The following PDE1C variants were observed in gnomAD, a reference collection of about 807,000 sequenced individuals.
PDE1C encodes the protein dual specificity calcium/calmodulin-dependent 3',5'-cyclic nucleotide phosphodiesterase 1C.
A neutral mutation model predicts 93.1 loss-of-function variants in PDE1C; 62 were observed. That is an observed-to-expected ratio of 0.67 (90% CI 0.54 to 0.82). The LOEUF (loss-of-function observed/expected upper bound fraction) is 0.82. Among genes scored for constraint, PDE1C ranks in the 40% least tolerant of loss-of-function variants. The pLI, the probability that PDE1C is intolerant of heterozygous loss-of-function variation, is 0.00. For missense variants in PDE1C, 742 were observed against 884.6 expected (o/e 0.84, Z 2.04); for synonymous variants, 325 against 310.1 (o/e 1.05, Z -0.50).
intron 1 of PDE1C, among the ~76,000 whole-genome samples, chr7:32,247,926 A>G (rs952305323): frequency 1.3e-5 from 2 of 152,184 alleles, no homozygotes; most frequent in African/African-American, 4.8e-5. Context: ...GTACTAGACT[A>G]TGGTAGTAGT....
intron 2 of PDE1C, among the ~76,000 whole-genome samples, chr7:32,044,440 G>A (rs558871945): frequency 7.9e-5 from 12 of 152,092 alleles, no homozygotes; most frequent in Non-Finnish European, 1.3e-4. Flanking sequence ...CAAGAAGATA[G>A]GCATTTAATG....
chr7:31,936,284 T>C (rs989057508), intron 2 of PDE1C, among the ~76,000 whole-genome samples: 2 of 152,150 alleles, frequency 1.3e-5, no homozygotes, highest in African/African-American at 4.8e-5. Context: ...ATGTCTTTGC[T>C]TCTACCACAC....
intron 2 of PDE1C, among the ~76,000 whole-genome samples, chr7:31,974,450 T>C (rs1288568371): frequency 6.6e-6 from 1 of 152,176 alleles, no homozygotes; most frequent in East Asian, 1.9e-4. Context: ...TTTGCAGAAA[T>C]GTGGTTTCCT....
intron 1 of PDE1C, among the ~76,000 whole-genome samples, chr7:32,264,331 T>A (rs1320092504): frequency 6.6e-6 from 1 of 152,228 alleles, no homozygotes; most frequent in Non-Finnish European, 1.5e-5. Flanking sequence ...GCCCTTCATA[T>A]ACATTATCTC....
chr7:31,789,262 T>C (rs1784321994), intron 16 of PDE1C: 1 of 152,216 alleles, frequency 6.6e-6, no homozygotes, highest in African/African-American at 2.4e-5. Context: ...CTTTCCATGC[T>C]ACATCTACTA....
the PDE1C span, chr7:31,643,399 G>C: frequency 6.2e-7 from 1 of 1,613,962 alleles, no homozygotes; most frequent in Non-Finnish European, 8.5e-7. Context: ...TCCTGCCCAG[G>C]TGAAGTCAAG....
In PDE1C at chr7:31,783,309, G is replaced by A. The variant is rs549991373; in HGVS notation, c.1892-7577C>T. Among the ~76,000 whole-genome samples, 24 of 152,216 alleles carry A rather than the reference G, an allele frequency of 1.6e-4. 1 individual carries two copies. In the East Asian group the frequency reaches 4.3e-3, roughly 27 times the overall value. On this transcript the variant is annotated intron_variant, in intron 16 of 17. Coordinates refer to ENST00000396191, the MANE Select transcript of PDE1C (RefSeq NM_001191057.4). ...TACTTCATCCCTCACAGTCAAAAAAGGTGAAATGAAACGTGATATAGTCAT... is the reference window on the plus strand; with the variant it reads ...TACTTCATCCCTCACAGTCAAAAAAAGTGAAATGAAACGTGATATAGTCAT...
the PDE1C span, among the ~76,000 whole-genome samples, chr7:31,685,970 G>A: frequency 6.6e-6 from 1 of 152,168 alleles, no homozygotes; most frequent in Non-Finnish European, 1.5e-5. Context: ...AGTTTACTAT[G>A]GTTCTAGCCC....
chr7:31,779,074 G>A (rs1584036748), intron 16 of PDE1C, among the ~76,000 whole-genome samples: 1 of 152,154 alleles, frequency 6.6e-6, no homozygotes, highest in Non-Finnish European at 1.5e-5. Context: ...AGTTTCCCAG[G>A]CCTCACTAAG....
At chr7:32,170,151 T>C (rs1240811671) in intron 2 of PDE1C, among the ~76,000 whole-genome samples, 1 of 152,198 alleles carries the variant, frequency 6.6e-6, no homozygotes, top group East Asian at 1.9e-4. Context: ...CTCTGAGTAT[T>C]TTGACACAAA....
the PDE1C span, among the ~76,000 whole-genome samples, chr7:31,660,819 A>T: frequency 6.6e-6 from 1 of 151,940 alleles, no homozygotes; most frequent in Admixed American, 6.6e-5. Flanking sequence ...GTATCTAGAG[A>T]AAACTAACCA....
At chr7:31,760,103 G>C (rs1794736849) in intron 17 of PDE1C, among the ~76,000 whole-genome samples, 1 of 152,166 alleles carries the variant, frequency 6.6e-6, no homozygotes, top group East Asian at 1.9e-4. Flanking sequence ...GTTGTGGGGA[G>C]AGGGTTTCCT....
At chr7:31,999,731 T>C (rs1055611822) in intron 2 of PDE1C, among the ~76,000 whole-genome samples, 1 of 152,202 alleles carries the variant, frequency 6.6e-6, no homozygotes, top group African/African-American at 2.4e-5. Context: ...CACTTTACCA[T>C]ATACAATTTC....
At chr7:31,732,635 T>TCC in the PDE1C span, among the ~76,000 whole-genome samples, 1 of 87,654 alleles carries the variant, frequency 1.1e-5, no homozygotes, top group African/African-American at 5.0e-5. Flanking sequence ...CTCTCCTCTC[T>TCC]TTCTGTGTGT....
At chr7:31,800,240 C>T (rs1361281555) in intron 16 of PDE1C, among the ~76,000 whole-genome samples, 1 of 151,488 alleles carries the variant, frequency 6.6e-6, no homozygotes, top group African/African-American at 2.4e-5. Context: ...CTAATAGAGG[C>T]TTTTGATAAA....
At chr7:31,880,239 A>C (rs1797076718) in intron 3 of PDE1C, among the ~76,000 whole-genome samples, 1 of 152,232 alleles carries the variant, frequency 6.6e-6, no homozygotes, top group Non-Finnish European at 1.5e-5. Flanking sequence ...AAACCGCTTT[A>C]ATACGTTTAG....
At chr7:32,126,408 A>C (rs1799584209) in intron 3 of PDE1C, among the ~76,000 whole-genome samples, 1 of 152,316 alleles carries the variant, frequency 6.6e-6, no homozygotes, top group Admixed American at 6.5e-5. Flanking sequence ...CAGGCATTTA[A>C]ACATTAAATG....
chr7:31,841,325 A>G (rs970491478), intron 9 of PDE1C, among the ~76,000 whole-genome samples: 6 of 151,594 alleles, frequency 4.0e-5, no homozygotes, highest in African/African-American at 1.5e-4. Flanking sequence ...AAAATTCATT[A>G]TCGGTTCCAG....
chr7:31,856,523 G>A (rs1794038719), intron 7 of PDE1C, among the ~76,000 whole-genome samples: 1 of 152,204 alleles, frequency 6.6e-6, no homozygotes, highest in African/African-American at 2.4e-5. Context: ...AGTTGAAGAA[G>A]CTGTGCATGA....
Sources: gnomAD v4.1 joint callset for allele counts (sites outside exome capture counted in the v4.1 genomes callset) on GRCh38, gnomAD v4.1.1 for gene constraint, MANE v1.5 for transcripts, NCBI Gene and HGNC (gene_info 2026-07-23, HGNC 2026-07-21) for gene names.